ALCAM: variants seen among roughly 807,000 people sequenced by gnomAD.
The protein encoded by ALCAM is CD166 antigen.
A neutral mutation model predicts 70.9 loss-of-function variants in ALCAM; 30 were observed. That is an observed-to-expected ratio of 0.42 (90% CI 0.32 to 0.57). The LOEUF is 0.57. Among genes scored for constraint, ALCAM ranks in the 20% least tolerant of loss-of-function variants. The pLI is 0.11. For missense variants in ALCAM, 591 were observed against 695.1 expected, an observed-to-expected ratio of 0.85 and a Z score of 1.68; for synonymous variants, 249 against 242.5, an observed-to-expected ratio of 1.03 and a Z score of -0.25.
intron 1 of ALCAM, among the ~76,000 whole-genome samples, chr3:105,407,026 A>G (rs1394425668): frequency 6.6e-6 from 1 of 152,190 alleles, no homozygotes; most frequent in Non-Finnish European, 1.5e-5. Context: ...ATCTCTGAAC[A>G]GACCAATAAC....
chr3:105,498,561 C>T (rs1365809377), intron 1 of ALCAM, among the ~76,000 whole-genome samples: 1 of 151,810 alleles, frequency 6.6e-6, no homozygotes, highest in Admixed American at 6.6e-5. Flanking sequence ...ATAATTTTAC[C>T]TGCCTTGATA....
At chr3:105,444,225 C>T (rs1937243701) in intron 1 of ALCAM, among the ~76,000 whole-genome samples, 1 of 152,094 alleles carries the variant, frequency 6.6e-6, no homozygotes, top group African/African-American at 2.4e-5. Flanking sequence ...AAGAAATACC[C>T]AAGACTGGGT....
chr3:105,516,040 G>A (rs1052319324), intron 1 of ALCAM, among the ~76,000 whole-genome samples: 1 of 151,806 alleles, frequency 6.6e-6, no homozygotes, highest in Non-Finnish European at 1.5e-5. Context: ...CTTCTTTTAC[G>A]GATGATGATG....
At chr3:105,494,187 A>G (rs112027187) in intron 1 of ALCAM, among the ~76,000 whole-genome samples, 3,447 of 152,182 alleles carry the variant, frequency 0.023, 130 homozygotes, top group African/African-American at 0.079. Flanking sequence ...AATGGGGGGG[A>G]AAAAGCTATT....
At chr3:105,536,517 A>G (rs189099022) in intron 6 of ALCAM, among the ~76,000 whole-genome samples, 19 of 152,316 alleles carry the variant, frequency 1.2e-4, no homozygotes, top group African/African-American at 4.3e-4. Flanking sequence ...TTCAGAAAGA[A>G]TAGAAATATC....
intron 1 of ALCAM, among the ~76,000 whole-genome samples, chr3:105,458,081 G>GTA (rs1576176431): frequency 1.1e-5 from 1 of 93,604 alleles, no homozygotes; most frequent in African/African-American, 3.8e-5. Flanking sequence ...ACACTTCAGG[G>GTA]GAAAAAAAAA....
intron 14 of ALCAM, among the ~76,000 whole-genome samples, chr3:105,554,793 C>T (rs936427487): frequency 2.0e-5 from 3 of 151,890 alleles, no homozygotes; most frequent in Non-Finnish European, 4.4e-5. Context: ...CTTATCCTCC[C>T]TTTATAATCC....
At chr3:105,425,923 C>A (rs1212842843) in intron 1 of ALCAM, among the ~76,000 whole-genome samples, 1 of 151,694 alleles carries the variant, frequency 6.6e-6, no homozygotes, top group Non-Finnish European at 1.5e-5. Context: ...AGCGAACAGG[C>A]GCTCTTTCAA....
At chr3:105,452,069 T>G (rs560735925) in intron 1 of ALCAM, among the ~76,000 whole-genome samples, 1 of 152,190 alleles carries the variant, frequency 6.6e-6, no homozygotes, top group South Asian at 2.1e-4. Flanking sequence ...CCTTCCAGTA[T>G]CTTAGTGAAA....
intron 1 of ALCAM, among the ~76,000 whole-genome samples, chr3:105,428,354 CT>C (rs1190502270): frequency 6.6e-6 from 1 of 151,860 alleles, no homozygotes; most frequent in Non-Finnish European, 1.5e-5. Flanking sequence ...AATTTTCACC[CT>C]TATAGCCCTA....
intron 1 of ALCAM, among the ~76,000 whole-genome samples, chr3:105,457,208 T>C (rs189261278): frequency 3.1e-4 from 47 of 152,350 alleles, no homozygotes; most frequent in Admixed American, 1.1e-3. Flanking sequence ...GCTCCATTCC[T>C]GTCCCTGCAA....
intron 1 of ALCAM, among the ~76,000 whole-genome samples, chr3:105,420,766 C>T (rs952412264): frequency 4.0e-5 from 6 of 151,298 alleles, no homozygotes; most frequent in African/African-American, 1.5e-4. Flanking sequence ...CATATTTACA[C>T]CTAATTATAA....
intron 1 of ALCAM, among the ~76,000 whole-genome samples, chr3:105,455,455 AAAAG>A (rs1341909483): frequency 6.6e-6 from 1 of 150,484 alleles, no homozygotes; most frequent in South Asian, 2.1e-4. Flanking sequence ...AAAAAAAAAA[AAAAG>A]AGAAAAGAAA....
intron 1 of ALCAM, among the ~76,000 whole-genome samples, chr3:105,503,462 T>C (rs1343331356): frequency 3.9e-5 from 6 of 152,124 alleles, no homozygotes; most frequent in Non-Finnish European, 7.3e-5. Flanking sequence ...ATGTCTCCTG[T>C]CTCCTTTTCA....
At chr3:105,537,642 T>C (rs568985) in intron 6 of ALCAM, among the ~76,000 whole-genome samples, 147,095 of 152,180 alleles carry the variant, frequency 0.97, 71,263 homozygotes, top group East Asian at 1. Flanking sequence ...ATTTAGCAAA[T>C]ACCCATTTAT....
chr3:105,478,380 C>A (rs989202958), intron 1 of ALCAM, among the ~76,000 whole-genome samples: 2 of 152,070 alleles, frequency 1.3e-5, no homozygotes, highest in African/African-American at 4.8e-5. Context: ...GAATTTTATG[C>A]ATTGCCTCTA....
At chr3:105,456,173 A>G (rs1026415729) in intron 1 of ALCAM, among the ~76,000 whole-genome samples, 2 of 152,214 alleles carry the variant, frequency 1.3e-5, no homozygotes, top group African/African-American at 4.8e-5. Context: ...CACACTGCCT[A>G]TGGGGTAGCC....
chr3:105,525,398 CGCCT>C, intron 3 of ALCAM: 1 of 962,282 alleles, frequency 1.0e-6, no homozygotes. Context: ...TAAAAAGTCC[CGCCT>C]CTATTACTTC....
chr3:105,463,321 A>G (rs566001781), intron 1 of ALCAM, among the ~76,000 whole-genome samples: 2 of 151,542 alleles, frequency 1.3e-5, no homozygotes, highest in African/African-American at 4.8e-5. Context: ...GCTCTTGCAT[A>G]CATTTTACAG....
Sources: gnomAD v4.1 joint callset for allele counts (sites outside exome capture counted in the v4.1 genomes callset) on GRCh38, gnomAD v4.1.1 for gene constraint, MANE v1.5 for transcripts, NCBI Gene and HGNC (gene_info 2026-07-23, HGNC 2026-07-21) for gene names.